ATRNL1: variants seen among roughly 807,000 people sequenced by gnomAD.
The protein encoded by ATRNL1 is attractin-like protein 1.
ATRNL1 carries 95 observed loss-of-function variants against 182.7 expected under a neutral mutation model. The ratio of observed to expected loss-of-function variants is 0.52; its 90% CI spans 0.44 to 0.62. The LOEUF is 0.62. Among genes scored for constraint, ATRNL1 ranks in the 20% least tolerant of loss-of-function variants. The pLI, the probability that ATRNL1 is intolerant of heterozygous loss-of-function variation, is 0.00. For synonymous variants in ATRNL1, 576 were observed against 568.3 expected, an observed-to-expected ratio of 1.01 and a Z score of -0.19; for missense variants, 1,471 against 1,679.5, an observed-to-expected ratio of 0.88 and a Z score of 2.17.
intron 27 of ATRNL1, among the ~76,000 whole-genome samples, chr10:115,824,724 A>G (rs561255180): frequency 6.6e-6 from 1 of 152,332 alleles, no homozygotes; most frequent in East Asian, 1.9e-4. Flanking sequence ...ATGAGATACC[A>G]TCTCACACCG....
At chr10:115,810,787 C>A (rs1950029489) in intron 27 of ATRNL1, among the ~76,000 whole-genome samples, 1 of 151,702 alleles carries the variant, frequency 6.6e-6, no homozygotes, top group South Asian at 2.1e-4. Context: ...TATTGGCAGT[C>A]TCTTATCTTC....
intron 27 of ATRNL1, among the ~76,000 whole-genome samples, chr10:115,764,220 T>A (rs1287773610): frequency 6.6e-6 from 1 of 152,184 alleles, no homozygotes; most frequent in African/African-American, 2.4e-5. Context: ...CCTATATACC[T>A]CCTGCCTCTG....
chr10:115,350,345 A>AAAAAAAAAAAAAAAAAAAAC (rs1856184071), intron 19 of ATRNL1, among the ~76,000 whole-genome samples: 1 of 37,856 alleles, frequency 2.6e-5, no homozygotes, highest in Non-Finnish European at 6.6e-5. Flanking sequence ...AAAAAAAAAA[A>AAAAAAAAAAAAAAAAAAAAC]GAAAAAAAAA....
chr10:115,469,313 G>A lies in ATRNL1; in HGVS notation c.3638G>A (p.Trp1213Ter). Residue 1213 changes from tryptophan to a stop codon, truncating the protein, a stop_gained, in exon 24 of 29, where the codon TGG becomes TAG. Coordinates refer to ENST00000355044, the MANE Select transcript of ATRNL1 (RefSeq NM_207303.4). LOFTEE classifies it high-confidence loss of function. ...TFYVYVSNFS[W>*]PIKIQIAFSQ... ...TATGTGTACGTCAGCAACTTTTCCT[G>A]GCCTATTAAAATACAGGTAAGTGTT... is the stretch of plus-strand genomic sequence containing the variant. 1 of 1,526,442 alleles carries A rather than the reference G, an allele frequency of 6.6e-7. No homozygotes were observed. The highest frequency in any genetic ancestry group is 8.8e-7 in the Non-Finnish European group (1 of 1,141,938). 94.6% of individuals were successfully genotyped at this position (1,526,442 alleles called of 1,614,324 possible). A position where few individuals can be genotyped will look rare whatever the true frequency, so the allele number is the denominator to read the frequency against.
intron 27 of ATRNL1, among the ~76,000 whole-genome samples, chr10:115,777,806 C>T (rs929252810): frequency 2.6e-5 from 4 of 151,618 alleles, no homozygotes; most frequent in Non-Finnish European, 2.9e-5. Context: ...AGGAACAATG[C>T]GTGAGTTAAA....
At chr10:115,935,367 T>C (rs1555122603) in intron 28 of ATRNL1, among the ~76,000 whole-genome samples, 4 of 152,202 alleles carry the variant, frequency 2.6e-5, no homozygotes, top group Non-Finnish European at 4.4e-5. Context: ...TCAATCATAG[T>C]TTTTTTGTAT....
chr10:115,215,280 G>A (rs1227586089), intron 8 of ATRNL1, among the ~76,000 whole-genome samples: 3 of 152,122 alleles, frequency 2.0e-5, no homozygotes, highest in Non-Finnish European at 4.4e-5. Context: ...TACTAAAAAT[G>A]TGTTCAATTA....
At chr10:115,798,573 A>G (rs940134191) in intron 27 of ATRNL1, among the ~76,000 whole-genome samples, 2 of 152,090 alleles carry the variant, frequency 1.3e-5, no homozygotes, top group Admixed American at 6.5e-5. Flanking sequence ...TGCTGACTAA[A>G]CTGGTTTTGT....
intron 19 of ATRNL1, among the ~76,000 whole-genome samples, chr10:115,335,127 C>T (rs1454436681): frequency 6.6e-6 from 1 of 152,118 alleles, no homozygotes; most frequent in Non-Finnish European, 1.5e-5. Context: ...CTCTATTCTG[C>T]CACTTCTTTC....
At chr10:115,305,709 G>A (rs1272737375) in intron 17 of ATRNL1, among the ~76,000 whole-genome samples, 1 of 152,082 alleles carries the variant, frequency 6.6e-6, no homozygotes, top group African/African-American at 2.4e-5. Context: ...CTACATTTAG[G>A]TATAAAGTTA....
chr10:115,184,781 C>G (rs1847878900), intron 8 of ATRNL1, among the ~76,000 whole-genome samples: 1 of 151,194 alleles, frequency 6.6e-6, no homozygotes, highest in African/African-American at 2.4e-5. Context: ...ACAAATGAAC[C>G]CAACTATGTT....
At chr10:115,571,204 C>A (rs1251924576) in intron 26 of ATRNL1, among the ~76,000 whole-genome samples, 1 of 152,136 alleles carries the variant, frequency 6.6e-6, no homozygotes, top group Non-Finnish European at 1.5e-5. Flanking sequence ...CTATAATTTC[C>A]ACAGTGTCAC....
intron 8 of ATRNL1, among the ~76,000 whole-genome samples, chr10:115,211,131 A>G (rs1293999662): frequency 2.0e-5 from 3 of 151,006 alleles, no homozygotes; most frequent in African/African-American, 7.3e-5. Flanking sequence ...TACATGTGCC[A>G]TGCTGGTGCG....
In ATRNL1 at chr10:115,117,420, CT is replaced by C. The variant is rs371250628; in HGVS notation, c.294-2760del. Among the ~76,000 whole-genome samples, 121 of 151,920 alleles carry C rather than the reference CT, an allele frequency of 8.0e-4. 2 individuals carry two copies. The South Asian group carries it at 0.024, about 31-fold the overall frequency. On this transcript the variant is annotated intron_variant, in intron 1 of 28. Transcript: ENST00000355044. Reference sequence around the variant, plus strand: ...TTTCTCCATGGGTTCAATTGTTTTGCTTTTTAGATCCCACAAATCAGTGAGA... The same window carrying C: ...TTTCTCCATGGGTTCAATTGTTTTGCTTTTAGATCCCACAAATCAGTGAGA...
At chr10:115,375,149 A>T (rs1212264489) in intron 19 of ATRNL1, among the ~76,000 whole-genome samples, 1 of 151,700 alleles carries the variant, frequency 6.6e-6, no homozygotes, top group Non-Finnish European at 1.5e-5. Flanking sequence ...CTTTATATAT[A>T]TAGGTACTCT....
intron 24 of ATRNL1, among the ~76,000 whole-genome samples, chr10:115,506,929 G>A (rs1408259813): frequency 6.6e-6 from 1 of 152,076 alleles, no homozygotes. Flanking sequence ...CAAGGTTGAG[G>A]ACATGTGCCT....
intron 26 of ATRNL1, among the ~76,000 whole-genome samples, chr10:115,604,318 A>G (rs1249216039): frequency 1.3e-5 from 2 of 152,056 alleles, no homozygotes; most frequent in African/African-American, 4.8e-5. Flanking sequence ...AACAGCCTTG[A>G]CTGTCCTTTT....
chr10:115,168,120 A>G (rs1394428639), intron 7 of ATRNL1, among the ~76,000 whole-genome samples: 1 of 152,108 alleles, frequency 6.6e-6, no homozygotes, highest in Non-Finnish European at 1.5e-5. Flanking sequence ...CACTTAGCAT[A>G]ATTTCAAGGT....
chr10:115,934,219 C>T (rs2134601653), intron 28 of ATRNL1, among the ~76,000 whole-genome samples: 1 of 152,242 alleles, frequency 6.6e-6, no homozygotes, highest in Admixed American at 6.5e-5. Context: ...AGCCTGCCAC[C>T]AATCAGGAAC....
Sources: allele counts gnomAD v4.1 joint callset (sites outside exome capture counted in the v4.1 genomes callset), GRCh38; gene constraint gnomAD v4.1.1; transcripts MANE v1.5; gene names NCBI Gene and HGNC (gene_info 2026-07-23, HGNC 2026-07-21).